Variants in UCP3 observed in about 807,000 individuals in gnomAD.
UCP3 encodes putative mitochondrial transporter UCP3.
In UCP3, 24 loss-of-function variants were observed where a neutral mutation model predicts 28.1. That is an observed-to-expected ratio of 0.85 (90% CI 0.62 to 1.20). The LOEUF is 1.20. Among genes scored for constraint, UCP3 ranks in the 50% most tolerant of loss-of-function variants. The pLI, the probability that UCP3 is intolerant of heterozygous loss-of-function variation, is 0.00. For synonymous variants in UCP3, 184 were observed against 171.2 expected, an observed-to-expected ratio of 1.07 and a Z score of -0.59; for missense variants, 397 against 422.2, an observed-to-expected ratio of 0.94 and a Z score of 0.52.
intron 6 of UCP3, chr11:74,002,774 A>C (rs935046353): frequency 3.0e-6 from 3 of 985,302 alleles, no homozygotes; most frequent in South Asian, 9.4e-5. Context: ...TGTCAATTGC[A>C]GTATAGTTTT....
rs201580635 is a variant in UCP3 at position 74,006,359 on chromosome 11, C to T, written c.147G>A (p.Ala49=). 41 of 1,577,716 alleles carry T rather than the reference C, an allele frequency of 2.6e-5. No individual in the cohort carries two copies. The highest frequency in any genetic ancestry group is 3.4e-4 in the Middle Eastern group (2 of 5,896). Residue 49 remains alanine, a synonymous_variant, in exon 3 of 7, where the codon GCG becomes GCA. Transcript: ENST00000314032. The part of the protein sequence containing the change: ...VRLQIQGENQ[A]VQTARLVQYR... Reference sequence around the variant, plus strand: ...ACTGCACGAGCCGGGCCGTCTGGACCGCCTGGTTCTCCCCCTGGATCTGAG... The same window carrying T: ...ACTGCACGAGCCGGGCCGTCTGGACTGCCTGGTTCTCCCCCTGGATCTGAG...
intron 6 of UCP3, chr11:74,001,937 G>A (rs970743012): frequency 1.8e-5 from 5 of 272,272 alleles, no homozygotes; most frequent in East Asian, 2.0e-4. Flanking sequence ...GTTACACCCC[G>A]GGTGGCCAGC....
rs1338951601 is a variant in UCP3 at position 74,006,385 on chromosome 11, G to A, written c.127-6C>T. 1.2e-5 allele frequency: 18 copies of A among 1,552,672 alleles called. No homozygotes were observed. Among genetic ancestry groups the A allele is most frequent in the Non-Finnish European group, 1.6e-5 (18 of 1,153,504 alleles). The stretch of plus-strand genomic sequence containing the variant: ...GCCTGGTTCTCCCCCTGGATCTGAG[G>A]GACAATAGCAGGGGGTGAGGACTCA... On this transcript the variant is annotated splice_polypyrimidine_tract_variant and splice_region_variant and intron_variant, in intron 2 of 6. Coordinates refer to ENST00000314032, the MANE Select transcript of UCP3 (RefSeq NM_003356.4).
rs763845388 is a variant in UCP3 at position 74,003,941 on chromosome 11, G to A, written c.710C>T (p.Pro237Leu). 3.5e-5 allele frequency: 57 copies of A among 1,614,038 alleles called. No homozygotes were observed. The highest frequency in any genetic ancestry group is 1.6e-4 in the Middle Eastern group (1 of 6,084). ...AGFCATVVASPVDVVKTRYMN... is the reference protein window; with the variant it reads ...AGFCATVVASLVDVVKTRYMN... ...ATACCGGGTCTTCACCACGTCCACCGGGGAGGCCACCACTGTGGCACAGAA... is the reference window on the plus strand; with the variant it reads ...ATACCGGGTCTTCACCACGTCCACCAGGGAGGCCACCACTGTGGCACAGAA... The change falls in exon 6 of 7, where the codon CCG (proline) becomes CTG (leucine). Residue 237 changes from proline (P) to leucine (L), a missense_variant. Coordinates refer to ENST00000314032, the MANE Select transcript of UCP3 (RefSeq NM_003356.4).
chr11:74,006,071 C>A (rs932861142), intron 3 of UCP3, 98 bp downstream of exon 3: 5 of 1,568,646 alleles, frequency 3.2e-6, no homozygotes, highest in Non-Finnish European at 4.3e-6. Flanking sequence ...ACCAGCTTCC[C>A]CCCGCCCCTG....
At chr11:74,004,726 G>A (rs1951648230) in intron 4 of UCP3, 141 bp from the exon 5 acceptor site, 1 of 699,368 alleles carries the variant, frequency 1.4e-6, no homozygotes, top group East Asian at 2.7e-5. Context: ...CTCAGCCAGA[G>A]GATCCCACCC....
In UCP3 at chr11:74,006,934, C is replaced by CTG; in HGVS notation, c.107_108dup (p.Ala37GlnfsTer31). On this transcript the variant is annotated frameshift_variant, in exon 2 of 7. Coordinates refer to ENST00000314032, the MANE Select transcript of UCP3 (RefSeq NM_003356.4). LOFTEE classifies it high-confidence loss of function. ...GCACCTACCTGCAGGCGGACCTTGG[C>CTG]TGTGTCCAGTGGAAAGGTAACGAGG... The CTG allele has an allele frequency of 6.2e-7, 1 of 1,614,212 alleles. No homozygotes were observed. Among genetic ancestry groups the CTG allele is most frequent in the East Asian group, 2.2e-5 (1 of 44,882 alleles).
rs544331067 is a variant in UCP3 at position 74,007,597 on chromosome 11, A to G, written c.-95-460T>C. On this transcript the variant is annotated intron_variant, in intron 1 of 6. Transcript: ENST00000314032. ...CAGGTGTGCATCACCATACCCAGCT[A>G]ATTTTTTATTTTTTGTAGAGATGGG... Among the ~76,000 whole-genome samples the G allele has an allele frequency of 3.3e-5, 5 of 152,140 alleles. No individual in the cohort carries two copies. The South Asian group carries it at 8.3e-4, about 25-fold the overall frequency.
intron 6 of UCP3, 180 bp downstream of exon 6, chr11:74,003,647 C>T: frequency 7.0e-7 from 1 of 1,430,058 alleles, no homozygotes; most frequent in Admixed American, 2.7e-5. Context: ...CCTAACCCTC[C>T]CCATCAGGTA....
chr11:74,004,839 T>C (rs1951649377), intron 4 of UCP3, among the ~76,000 whole-genome samples: 1 of 152,240 alleles, frequency 6.6e-6, no homozygotes. Context: ...TGTGTTCATT[T>C]GGCCACATTT....
At chr11:74,005,548 G>A (rs1296483540) in intron 4 of UCP3, among the ~76,000 whole-genome samples, 182 bp downstream of exon 4, 1 of 152,214 alleles carries the variant, frequency 6.6e-6, no homozygotes, top group African/African-American at 2.4e-5. Flanking sequence ...GCAAAGGGCT[G>A]GTAAAATGAA....
chr11:74,007,672 A>T (rs574631794), intron 1 of UCP3, among the ~76,000 whole-genome samples: 1 of 152,198 alleles, frequency 6.6e-6, no homozygotes, highest in South Asian at 2.1e-4. Context: ...CCTCAGCGTG[A>T]TCACTTGACA....
At chr11:74,007,321 T>C in intron 1 of UCP3, 184 bp from the exon 2 acceptor site, 1 of 447,322 alleles carries the variant, frequency 2.2e-6, no homozygotes. Flanking sequence ...ATCCTCCTCC[T>C]GACCCTCTCC....
chr11:74,006,196 G>A lies in UCP3; in HGVS notation c.310C>T (p.Gln104Ter). ...TCCGCGCCTTTGGGGGTGTACACCT[G>A]CTTGACGGAGTCATAGAGGCCGATG... is the stretch of plus-strand genomic sequence containing the variant. ...IRIGLYDSVK[Q>*]VYTPKGADNS... Residue 104 changes from glutamine to a stop codon, truncating the protein, a stop_gained, in exon 3 of 7, where the codon CAG (glutamine) becomes TAG (stop). Coordinates refer to ENST00000314032, the MANE Select transcript of UCP3 (RefSeq NM_003356.4). LOFTEE classifies it high-confidence loss of function. 3 of 1,614,188 alleles carry A rather than the reference G, an allele frequency of 1.9e-6. No individual in the cohort carries two copies. The South Asian group carries it at 3.3e-5, about 18-fold the overall frequency.
At chr11:74,003,413 C>T (rs758055230) in intron 6 of UCP3, 273 of 984,126 alleles carry the variant, frequency 2.8e-4, no homozygotes, top group Middle Eastern at 5.2e-4. Context: ...TGAAGGATGG[C>T]TAAAATTGAC....
Position 74,007,020 on chromosome 11 carries a change from T to G in UCP3, c.23A>C (p.Asp8Ala), listed in dbSNP as rs1951672987. MVGLKPSDVPPTMAVKFL... is the reference protein window; with the variant it reads MVGLKPSAVPPTMAVKFL... ...CTTCACAGCCATGGTGGGAGGCACG[T>G]CTGAAGGCTTCAGTCCAACCATAGT... is the stretch of plus-strand genomic sequence containing the variant. The change falls in exon 2 of 7, where the codon GAC becomes GCC. Residue 8 changes from aspartate (D) to alanine (A), a missense_variant. Transcript: ENST00000314032. 1.2e-6 allele frequency: 2 copies of G among 1,613,970 alleles called. No individual in the cohort carries two copies.
In UCP3 at chr11:74,007,010, G is replaced by T; in HGVS notation, c.33C>A (p.Pro11=). 6.2e-7 allele frequency: 1 copy of T among 1,614,168 alleles called. No individual in the cohort carries two copies. Among genetic ancestry groups the T allele is most frequent in the Non-Finnish European group, 8.5e-7 (1 of 1,180,040 alleles). The change falls in exon 2 of 7, where the codon CCC becomes CCA. Residue 11 remains proline (P), a synonymous_variant. Transcript: ENST00000314032. Reference sequence around the variant, plus strand: ...CCCCCAGGAACTTCACAGCCATGGTGGGAGGCACGTCTGAAGGCTTCAGTC... The same window carrying T: ...CCCCCAGGAACTTCACAGCCATGGTTGGAGGCACGTCTGAAGGCTTCAGTC... MVGLKPSDVP[P]TMAVKFLGAG...
Position 74,007,334 on chromosome 11 carries a change from C to T in UCP3, c.-95-197G>A, listed in dbSNP as rs1391908104. On this transcript the variant is annotated intron_variant, in intron 1 of 6. Transcript: ENST00000314032. Reference sequence around the variant, plus strand: ...CAATCCTCCTCCTGACCCTCTCCCTCCCCTCCTTACCAGGGGTAGGCAGAG... The same window carrying T: ...CAATCCTCCTCCTGACCCTCTCCCTTCCCTCCTTACCAGGGGTAGGCAGAG... 1.2e-5 allele frequency: 5 copies of T among 419,258 alleles called. 1 individual carries two copies. The East Asian group carries it at 2.6e-4, about 21-fold the overall frequency. The allele number at this position is 419,258 out of a possible 1,614,324, so 26.0% of individuals were successfully genotyped here.
chr11:74,006,503 T>A, intron 2 of UCP3, 124 bp from the exon 3 acceptor site: 1 of 959,092 alleles, frequency 1.0e-6, no homozygotes, highest in Non-Finnish European at 1.5e-6. Context: ...CTGGTCACAG[T>A]AGAAATCACT....
Sources: allele counts gnomAD v4.1 joint callset (sites outside exome capture counted in the v4.1 genomes callset), GRCh38; gene constraint gnomAD v4.1.1; transcripts MANE v1.5; gene names NCBI Gene and HGNC (gene_info 2026-07-23, HGNC 2026-07-21).